PXYLP1: variants seen among roughly 807,000 people sequenced by gnomAD.
PXYLP1 encodes 2-phosphoxylose phosphatase 1.
In PXYLP1, 17 loss-of-function variants were observed where a neutral mutation model predicts 37.9. The ratio of observed to expected loss-of-function variants is 0.45; its 90% CI spans 0.31 to 0.67. The LOEUF is 0.67. Among genes scored for constraint, PXYLP1 ranks in the 30% least tolerant of loss-of-function variants. The pLI is 0.07. For synonymous variants in PXYLP1, 221 were observed against 232.2 expected, an observed-to-expected ratio of 0.95 and a Z score of 0.44; for missense variants, 511 against 612.0, an observed-to-expected ratio of 0.84 and a Z score of 1.74.
intron 1 of PXYLP1, among the ~76,000 whole-genome samples, chr3:141,235,809 A>G (rs1940645959): frequency 6.6e-6 from 1 of 152,210 alleles, no homozygotes; most frequent in South Asian, 2.1e-4. Context: ...CTCTGAGTCC[A>G]AAAGGCAGGA....
At chr3:141,255,024 A>G (rs1170328804) in intron 1 of PXYLP1, among the ~76,000 whole-genome samples, 1 of 152,222 alleles carries the variant, frequency 6.6e-6, no homozygotes, top group Non-Finnish European at 1.5e-5. Context: ...CTGGTGGTAG[A>G]ACGGTAGCTT....
At chr3:141,286,266 C>T (rs570270972) in intron 4 of PXYLP1, among the ~76,000 whole-genome samples, 4 of 152,280 alleles carry the variant, frequency 2.6e-5, no homozygotes, top group East Asian at 3.9e-4. Context: ...AGATTTACCA[C>T]ATATACTTTG....
At chr3:141,281,333 G>T (rs61710141) in intron 4 of PXYLP1, among the ~76,000 whole-genome samples, 4,885 of 152,276 alleles carry the variant, frequency 0.032, 218 homozygotes, top group African/African-American at 0.1. Context: ...AACTGGGCAG[G>T]TGTGAGCCAC....
At chr3:141,250,973 T>A (rs1437174669) in intron 1 of PXYLP1, among the ~76,000 whole-genome samples, 1 of 152,208 alleles carries the variant, frequency 6.6e-6, no homozygotes, top group Non-Finnish European at 1.5e-5. Flanking sequence ...CAACAGTGTC[T>A]CATATCATAT....
At position 141,233,463 on chromosome 3, in the gene PXYLP1, CAAAAAA is replaced by C. The variant is rs5853024; in HGVS notation, c.-54+1569_-54+1574del. Among the ~76,000 whole-genome samples the C allele has an allele frequency of 3.8e-4, 30 of 79,392 alleles. No homozygotes were observed. The East Asian group carries it at 6.0e-3, about 16-fold the overall frequency. The allele number at this position is 79,392 out of a possible 152,430, so 52.1% of individuals were successfully genotyped here. On this transcript the variant is annotated intron_variant, in intron 1 of 5. Transcript: ENST00000286353. ...TTGGGCAATAAGAGCAAAACCCTGT[CAAAAAA>C]AAAAAAAAAAAAAAAACCCTCGTGG...
intron 4 of PXYLP1, among the ~76,000 whole-genome samples, chr3:141,284,922 A>G (rs1942035685): frequency 6.6e-6 from 1 of 152,110 alleles, no homozygotes; most frequent in South Asian, 2.1e-4. Context: ...ATTTTCATGA[A>G]ACATCCAAGG....
At chr3:141,267,441 G>A (rs1941545984) in intron 2 of PXYLP1, 1 of 152,166 alleles carries the variant, frequency 6.6e-6, no homozygotes, top group South Asian at 2.1e-4. Flanking sequence ...TAACCTAAGA[G>A]TTCTGTCATA....
intron 1 of PXYLP1, among the ~76,000 whole-genome samples, chr3:141,240,196 C>T (rs1342422318): frequency 6.6e-6 from 1 of 152,226 alleles, no homozygotes; most frequent in Non-Finnish European, 1.5e-5. Flanking sequence ...TGTCCCCTGA[C>T]ATTTCATGGC....
chr3:141,287,394 A>C lies in PXYLP1; in HGVS notation c.446A>C (p.Asn149Thr). Residue 149 changes from asparagine (N) to threonine (T), a missense_variant, in exon 5 of 6, where the codon AAC becomes ACC. Transcript: ENST00000286353. Reference sequence around the variant, plus strand: ...GGAGCCTCTTTCGAAAGCCCCTTGAACTCCTTGCCTCTTTACCCAAATCAC... The same window carrying C: ...GGAGCCTCTTTCGAAAGCCCCTTGACCTCCTTGCCTCTTTACCCAAATCAC... ...GSGASFESPL[N>T]SLPLYPNHPL... 1 of 1,613,552 alleles carries C rather than the reference A, an allele frequency of 6.2e-7. No individual in the cohort carries two copies. The highest frequency in any genetic ancestry group is 8.5e-7 in the Non-Finnish European group (1 of 1,179,904).
intron 1 of PXYLP1, among the ~76,000 whole-genome samples, chr3:141,244,829 G>C (rs2107904564): frequency 6.6e-6 from 1 of 151,582 alleles, no homozygotes; most frequent in African/African-American, 2.4e-5. Context: ...ACTTTTGTAG[G>C]ATAGAAACCT....
intron 2 of PXYLP1, among the ~76,000 whole-genome samples, chr3:141,267,036 T>C (rs892498077): frequency 1.3e-5 from 2 of 152,156 alleles, no homozygotes; most frequent in Non-Finnish European, 2.9e-5. Context: ...CATTTGTGGT[T>C]TCGACTCTTT....
intron 1 of PXYLP1, among the ~76,000 whole-genome samples, chr3:141,254,015 G>A (rs963980877): frequency 6.6e-6 from 1 of 152,016 alleles, no homozygotes; most frequent in Non-Finnish European, 1.5e-5. Context: ...GGGCTCAAGC[G>A]ATTCTCATGC....
intron 1 of PXYLP1, among the ~76,000 whole-genome samples, chr3:141,233,885 C>T (rs1178253987): frequency 6.6e-6 from 1 of 152,168 alleles, no homozygotes; most frequent in Non-Finnish European, 1.5e-5. Flanking sequence ...TCCAGAAATT[C>T]CCGTGGGCTT....
At chr3:141,274,296 T>C in intron 2 of PXYLP1, 1 of 1,350,998 alleles carries the variant, frequency 7.4e-7, no homozygotes, top group Non-Finnish European at 9.5e-7. Context: ...CTTCCCAGCC[T>C]TCCTCCTGGA....
intron 2 of PXYLP1, chr3:141,272,838 C>T (rs1321595290): frequency 3.1e-6 from 1 of 317,876 alleles, no homozygotes; most frequent in Non-Finnish European, 4.5e-6. Context: ...TTGTGCCCAC[C>T]CAGATTGAGG....
chr3:141,248,265 T>G (rs1941011763), intron 1 of PXYLP1, among the ~76,000 whole-genome samples: 1 of 151,904 alleles, frequency 6.6e-6, no homozygotes, highest in Non-Finnish European at 1.5e-5. Context: ...ACTCCTGACC[T>G]CAAATGATCC....
chr3:141,248,024 T>TTTTG (rs72269213), intron 1 of PXYLP1, among the ~76,000 whole-genome samples: 2,968 of 26,428 alleles, frequency 0.11, 67 homozygotes, highest in African/African-American at 0.24. Flanking sequence ...TTTTGTTTTG[T>TTTTG]TTTTTTTTTT....
At chr3:141,268,278 T>C (rs990120140) in intron 2 of PXYLP1, among the ~76,000 whole-genome samples, 11 of 146,494 alleles carry the variant, frequency 7.5e-5, no homozygotes, top group African/African-American at 2.3e-4. Flanking sequence ...TCACGGCTAG[T>C]TAGTAAAAAT....
chr3:141,293,132 A>G lies in PXYLP1; in HGVS notation c.1370A>G (p.Lys457Arg). 6.2e-7 allele frequency: 1 copy of G among 1,614,190 alleles called. No individual in the cohort carries two copies. The highest frequency in any genetic ancestry group is 8.5e-7 in the Non-Finnish European group (1 of 1,180,036). The change falls in exon 6 of 6, where the codon AAA (lysine) becomes AGA (arginine). Residue 457 changes from lysine (K) to arginine (R), a missense_variant. Lys to Arg is a conservative substitution (Grantham distance 26, BLOSUM62 2). Transcript: ENST00000286353. ...CTTGAAAACTTGGTCCGCTTTGTGA[A>G]AAGGGACATGTTTGTAGCCCTGGGT... ...CPLENLVRFV[K>R]RDMFVALGGS...
Sources: allele counts gnomAD v4.1 joint callset (sites outside exome capture counted in the v4.1 genomes callset), GRCh38; gene constraint gnomAD v4.1.1; transcripts MANE v1.5; gene names NCBI Gene and HGNC (gene_info 2026-07-23, HGNC 2026-07-21).